The following SLC5A11 variants were observed in gnomAD, a reference collection of about 807,000 sequenced individuals.
SLC5A11 encodes sodium/myo-inositol cotransporter 2.
In SLC5A11, 48 loss-of-function variants were observed where a neutral mutation model predicts 69.8. The ratio of observed to expected loss-of-function variants is 0.69; its 90% CI spans 0.55 to 0.87. The LOEUF is 0.87. Among genes scored for constraint, SLC5A11 ranks in the 40% least tolerant of loss-of-function variants. The pLI, the probability that SLC5A11 is intolerant of heterozygous loss-of-function variation, is 0.00. For missense variants in SLC5A11, 784 were observed against 866.1 expected, an observed-to-expected ratio of 0.91 and a Z score of 1.19; for synonymous variants, 319 against 342.4, an observed-to-expected ratio of 0.93 and a Z score of 0.75.
chr16:24,881,503 G>C (rs934284397), intron 7 of SLC5A11, among the ~76,000 whole-genome samples: 2 of 152,084 alleles, frequency 1.3e-5, no homozygotes, highest in African/African-American at 4.8e-5. Flanking sequence ...GGTCAGGCTG[G>C]TCTTGAACTC....
intron 8 of SLC5A11, among the ~76,000 whole-genome samples, chr16:24,884,434 G>A (rs985752084): frequency 1.3e-5 from 2 of 151,692 alleles, no homozygotes; most frequent in Non-Finnish European, 2.9e-5. Context: ...GGGCTCAAGT[G>A]ACTCTCTCAC....
At chr16:24,905,651 C>T (rs1162728417) in intron 10 of SLC5A11, among the ~76,000 whole-genome samples, 1 of 146,024 alleles carries the variant, frequency 6.8e-6, no homozygotes, top group African/African-American at 2.5e-5. Context: ...CACACACACA[C>T]ACACACACAC....
At chr16:24,888,072 A>G (rs1392590350) in intron 8 of SLC5A11, among the ~76,000 whole-genome samples, 3 of 152,176 alleles carry the variant, frequency 2.0e-5, no homozygotes, top group African/African-American at 7.2e-5. Flanking sequence ...GCGTTCTCCT[A>G]TCATGAATGT....
chr16:24,851,969 T>TTG (rs768929680), intron 1 of SLC5A11, among the ~76,000 whole-genome samples: 1 of 140,064 alleles, frequency 7.1e-6, no homozygotes. Context: ...CTTCCCTTGC[T>TTG]TCTCTCTCTC....
chr16:24,853,982 G>A (rs886464808), intron 1 of SLC5A11, among the ~76,000 whole-genome samples: 1 of 152,184 alleles, frequency 6.6e-6, no homozygotes, highest in African/African-American at 2.4e-5. Flanking sequence ...GTCCCTCGCG[G>A]CCCCTGGCTG....
At chr16:24,900,935 A>AAG (rs2049539020) in intron 10 of SLC5A11, among the ~76,000 whole-genome samples, 3 of 149,222 alleles carry the variant, frequency 2.0e-5, no homozygotes, top group Non-Finnish European at 4.5e-5. Context: ...AAAAAAAAAA[A>AAG]AAAAGGAAAG....
At chr16:24,891,215 T>C in intron 9 of SLC5A11, 141 bp downstream of exon 10, 1 of 715,732 alleles carries the variant, frequency 1.4e-6, no homozygotes, top group Non-Finnish European at 2.3e-6. Flanking sequence ...TCCTTTCCAT[T>C]GCTCTACATG....
Position 24,907,183 on chromosome 16 carries a change from C to A in SLC5A11, c.1265+8C>A. Reference sequence around the variant, plus strand: ...GCTCATGATTGTGGGCAGGTAAGTCCCCACTGGGTGGGGCTGGGGCAGGGG... The same window carrying A: ...GCTCATGATTGTGGGCAGGTAAGTCACCACTGGGTGGGGCTGGGGCAGGGG... On this transcript the variant is annotated splice_region_variant and intron_variant, in intron 12 of 15. Transcript: ENST00000347898. 6.2e-7 allele frequency: 1 copy of A among 1,613,814 alleles called. No individual in the cohort carries two copies. Among genetic ancestry groups the A allele is most frequent in the Non-Finnish European group, 8.5e-7 (1 of 1,179,882 alleles).
chr16:24,894,082 A>G (rs1192424422), intron 9 of SLC5A11, among the ~76,000 whole-genome samples: 1 of 152,146 alleles, frequency 6.6e-6, no homozygotes, highest in African/African-American at 2.4e-5. Context: ...TATCATCCCC[A>G]TTTTACAGAT....
intron 5 of SLC5A11, 56 bp from the exon 7 acceptor site, chr16:24,875,571 G>A: frequency 7.1e-7 from 1 of 1,406,730 alleles, no homozygotes; most frequent in Non-Finnish European, 9.9e-7. Flanking sequence ...TGTGTGGGGG[G>A]GTCACGTGCT....
chr16:24,905,314 G>C (rs1010172462), intron 10 of SLC5A11, among the ~76,000 whole-genome samples: 1 of 142,436 alleles, frequency 7.0e-6, no homozygotes, highest in Admixed American at 7.3e-5. Context: ...GTGGTGGCAC[G>C]CCTATAATAC....
intron 7 of SLC5A11, among the ~76,000 whole-genome samples, chr16:24,878,801 G>A (rs191982660): frequency 1.3e-5 from 2 of 152,326 alleles, no homozygotes; most frequent in East Asian, 1.9e-4. Flanking sequence ...GGGAGGCCGA[G>A]GCGGGTGGAT....
chr16:24,905,749 G>C (rs913522583), intron 10 of SLC5A11, among the ~76,000 whole-genome samples: 1 of 151,936 alleles, frequency 6.6e-6, no homozygotes, highest in South Asian at 2.1e-4. Flanking sequence ...TAAACTAAGG[G>C]TTTGCCTCCT....
chr16:24,906,659 C>A (rs2050084101), exon 11 of SLC5A11: 2 of 1,602,652 alleles, frequency 1.2e-6, no homozygotes, highest in South Asian at 1.1e-5. Flanking sequence ...CTTCGTAGAT[C>A]AAGTGGCCTG....
chr16:24,862,755 G>A (rs2046658000), intron 3 of SLC5A11, 83 bp downstream of exon 4: 1 of 1,266,398 alleles, frequency 7.9e-7, no homozygotes, highest in Admixed American at 1.8e-5. Context: ...GATATCTCAG[G>A]ACTCTCTGGT....
chr16:24,896,015 T>C (rs1231787373), intron 9 of SLC5A11, among the ~76,000 whole-genome samples: 1 of 152,034 alleles, frequency 6.6e-6, no homozygotes, highest in Non-Finnish European at 1.5e-5. Flanking sequence ...TGAGGACTCA[T>C]TTAGTTGTTT....
chr16:24,906,592 T>C (rs1380313299), intron 10 of SLC5A11, 65 bp from the exon 12 acceptor site: 3 of 1,005,638 alleles, frequency 3.0e-6, no homozygotes, highest in Admixed American at 2.3e-5. Context: ...TCCGGCCCCA[T>C]GTTGCCTGGG....
chr16:24,869,348 A>T (rs2152294420), intron 3 of SLC5A11, among the ~76,000 whole-genome samples: 1 of 152,260 alleles, frequency 6.6e-6, no homozygotes, highest in South Asian at 2.1e-4. Context: ...AATTCCCAGG[A>T]AAGAGAATAT....
chr16:24,856,942 T>TC (rs1173115168), intron 1 of SLC5A11, among the ~76,000 whole-genome samples: 10 of 151,952 alleles, frequency 6.6e-5, no homozygotes, highest in Non-Finnish European at 2.9e-5. Flanking sequence ...TGCCTCAGCC[T>TC]CCTGAGTAGC....
Sources: gnomAD v4.1 joint callset for allele counts (sites outside exome capture counted in the v4.1 genomes callset) on GRCh38, gnomAD v4.1.1 for gene constraint, MANE v1.5 for transcripts, NCBI Gene and HGNC (gene_info 2026-07-23, HGNC 2026-07-21) for gene names.